GABRG3: variants seen among roughly 807,000 people sequenced by gnomAD.
The protein encoded by GABRG3 is gamma-aminobutyric acid receptor subunit gamma-3.
In GABRG3, 25 loss-of-function variants were observed where a neutral mutation model predicts 48.8. The ratio of observed to expected loss-of-function variants is 0.51; its 90% CI spans 0.37 to 0.72. The LOEUF is 0.72. Ranked by LOEUF, GABRG3 falls within the 30% of genes least tolerant of loss-of-function variation. The pLI is 0.00. For synonymous variants in GABRG3, 227 were observed against 217.6 expected (o/e 1.04, Z -0.38); for missense variants, 394 against 577.9 (o/e 0.68, Z 3.26).
At chr15:27,003,552 T>A (rs1417902066) in intron 2 of GABRG3, among the ~76,000 whole-genome samples, 1 of 152,114 alleles carries the variant, frequency 6.6e-6, no homozygotes, top group Non-Finnish European at 1.5e-5. Context: ...AGGTCACAGA[T>A]CAACAGGATC....
chr15:27,126,962 C>T (rs755836687), intron 3 of GABRG3, among the ~76,000 whole-genome samples: 1 of 152,074 alleles, frequency 6.6e-6, no homozygotes, highest in Non-Finnish European at 1.5e-5. Context: ...AGGTCAGGCA[C>T]CTACAGACCT....
rs780304405 is a variant in GABRG3 at position 27,328,802 on chromosome 15, G to T, written c.492-4G>T. 3 of 1,613,680 alleles carry T rather than the reference G, an allele frequency of 1.9e-6. No homozygotes were observed. The highest frequency in any genetic ancestry group is 2.5e-6 in the Non-Finnish European group (3 of 1,179,620). The stretch of plus-strand genomic sequence containing the variant: ...AGCTAGACTGACACTTGGCTTTTTC[G>T]CAGGCTCACCATCAATGCTGAGTGC... On this transcript the variant is annotated splice_polypyrimidine_tract_variant and splice_region_variant and intron_variant, in intron 4 of 9. Coordinates refer to ENST00000615808, the MANE Select transcript of GABRG3 (RefSeq NM_033223.5).
intron 3 of GABRG3, among the ~76,000 whole-genome samples, chr15:27,082,267 C>T (rs562358120): frequency 1.4e-4 from 22 of 152,272 alleles, no homozygotes; most frequent in African/African-American, 4.6e-4. Flanking sequence ...TGACCTCTGA[C>T]CTGAAAAGCC....
chr15:27,360,092 G>A (rs996707053), intron 5 of GABRG3, among the ~76,000 whole-genome samples: 1 of 152,166 alleles, frequency 6.6e-6, no homozygotes, highest in Non-Finnish European at 1.5e-5. Context: ...GAGTGCTGCA[G>A]GAAGAGAAGC....
chr15:27,522,932 C>CA (rs1390129503), intron 7 of GABRG3, among the ~76,000 whole-genome samples: 2 of 151,758 alleles, frequency 1.3e-5, no homozygotes, highest in African/African-American at 2.4e-5. Context: ...TTAAACCAGT[C>CA]AACAACCAAA....
chr15:27,127,640 A>G (rs994714932), intron 3 of GABRG3, among the ~76,000 whole-genome samples: 1 of 152,144 alleles, frequency 6.6e-6, no homozygotes, highest in Non-Finnish European at 1.5e-5. Flanking sequence ...CCACACCTTT[A>G]TACCTGCATG....
At chr15:27,023,678 A>C (rs192858978) in intron 2 of GABRG3, among the ~76,000 whole-genome samples, 1 of 152,344 alleles carries the variant, frequency 6.6e-6, no homozygotes, top group Non-Finnish European at 1.5e-5. Context: ...TCCATTGTCT[A>C]TGTATACTAC....
chr15:27,318,738 A>G (rs1763649246), intron 3 of GABRG3, among the ~76,000 whole-genome samples: 1 of 152,124 alleles, frequency 6.6e-6, no homozygotes, highest in Admixed American at 6.5e-5. Context: ...AGTTCCAGGA[A>G]TGGGGGCTAG....
chr15:27,416,013 G>A (rs1227337150), intron 5 of GABRG3, among the ~76,000 whole-genome samples: 1 of 152,106 alleles, frequency 6.6e-6, no homozygotes, highest in Non-Finnish European at 1.5e-5. Context: ...CCATTCAAAT[G>A]TTGAAGCCCT....
chr15:27,398,448 C>T (rs1017026101), intron 5 of GABRG3, among the ~76,000 whole-genome samples: 3 of 152,200 alleles, frequency 2.0e-5, no homozygotes, highest in Admixed American at 6.5e-5. Flanking sequence ...TGTATTCATA[C>T]GTGTGTTTTT....
chr15:27,219,520 C>G (rs868563247), intron 3 of GABRG3, among the ~76,000 whole-genome samples: 1 of 152,220 alleles, frequency 6.6e-6, no homozygotes, highest in Non-Finnish European at 1.5e-5. Context: ...GTGGGCAGGA[C>G]GAGGACAGTG....
At chr15:27,155,073 A>G (rs909045448) in intron 3 of GABRG3, among the ~76,000 whole-genome samples, 1 of 150,478 alleles carries the variant, frequency 6.6e-6, no homozygotes, top group Non-Finnish European at 1.5e-5. Context: ...TTATTTTTTC[A>G]GTCTGTTTTC....
At chr15:27,108,776 G>A (rs1897494551) in intron 3 of GABRG3, among the ~76,000 whole-genome samples, 1 of 152,088 alleles carries the variant, frequency 6.6e-6, no homozygotes, top group African/African-American at 2.4e-5. Flanking sequence ...ACACATTTAA[G>A]ATAATTCTGT....
chr15:27,190,699 T>G (rs1331257700), intron 3 of GABRG3, among the ~76,000 whole-genome samples: 1 of 152,176 alleles, frequency 6.6e-6, no homozygotes, highest in Non-Finnish European at 1.5e-5. Flanking sequence ...ATTAATTTTT[T>G]GAAGGGTTTT....
At chr15:27,041,849 C>T (rs1896281735) in intron 3 of GABRG3, among the ~76,000 whole-genome samples, 1 of 152,130 alleles carries the variant, frequency 6.6e-6, no homozygotes, top group East Asian at 1.9e-4. Context: ...AGTCCCAGGA[C>T]TTCGGGTCCT....
At chr15:27,043,243 C>T (rs1222238496) in intron 3 of GABRG3, among the ~76,000 whole-genome samples, 3 of 152,164 alleles carry the variant, frequency 2.0e-5, no homozygotes, top group African/African-American at 7.2e-5. Context: ...CACCACATTC[C>T]CCGACTGTTG....
intron 3 of GABRG3, among the ~76,000 whole-genome samples, chr15:27,250,587 C>T (rs886163520): frequency 6.6e-6 from 1 of 152,104 alleles, no homozygotes; most frequent in African/African-American, 2.4e-5. Context: ...CCACCATGCC[C>T]AGCTAATTTT....
intron 3 of GABRG3, among the ~76,000 whole-genome samples, chr15:27,187,071 T>G (rs929850548): frequency 7.3e-5 from 7 of 95,464 alleles, no homozygotes; most frequent in Non-Finnish European, 1.0e-4. Context: ...ATTTAAGTCT[T>G]TAATCCATCT....
intron 5 of GABRG3, among the ~76,000 whole-genome samples, chr15:27,461,283 T>C (rs1889439811): frequency 6.6e-6 from 1 of 151,408 alleles, no homozygotes; most frequent in South Asian, 2.1e-4. Flanking sequence ...TTTTTATTAC[T>C]TTTTTTTTGC....
Sources: allele counts gnomAD v4.1 joint callset (sites outside exome capture counted in the v4.1 genomes callset), GRCh38; gene constraint gnomAD v4.1.1; transcripts MANE v1.5; gene names NCBI Gene and HGNC (gene_info 2026-07-23, HGNC 2026-07-21).